Variants in TNIP1 observed in about 807,000 individuals in gnomAD.
TNIP1 encodes the protein TNFAIP3 interacting protein 1.
Under a neutral mutation model 86.6 loss-of-function variants are expected in TNIP1, and 22 were observed. That is an observed-to-expected ratio of 0.25 (90% CI 0.18 to 0.36). The LOEUF is 0.36. Ranked by LOEUF, TNIP1 falls within the 10% of genes least tolerant of loss-of-function variation. The probability of loss-of-function intolerance (pLI) is 1.00; values close to 1 mark genes in which losing one functional copy is unlikely to be tolerated. For synonymous variants in TNIP1, 294 were observed against 313.0 expected (o/e 0.94, Z 0.64); for missense variants, 709 against 820.6 (o/e 0.86, Z 1.66).
rs138661967 is a variant in TNIP1 at position 151,063,638 on chromosome 5, G to A, written c.246C>T (p.Ser82=). ...CTGTGAGCTCAGCCAGGGGGTCGAA[G>A]GAGCCCAAGGAGGGAGAAGGTGGTG... is the stretch of plus-strand genomic sequence containing the variant. The part of the protein sequence containing the change: ...LLPPPSPSLG[S]FDPLAELTGK... Residue 82 remains serine, a synonymous_variant, in exon 3 of 18, where the codon TCC becomes TCT. Coordinates refer to ENST00000521591, the MANE Select transcript of TNIP1 (RefSeq NM_006058.5). The A allele has an allele frequency of 1.1e-5, 17 of 1,613,910 alleles. No homozygotes were observed. In the African/African-American group the frequency reaches 2.0e-4, roughly 19 times the overall value.
intron 6 of TNIP1, among the ~76,000 whole-genome samples, chr5:151,053,824 C>A (rs1398040022): frequency 6.6e-6 from 1 of 152,222 alleles, no homozygotes; most frequent in Non-Finnish European, 1.5e-5. Context: ...TGCACAGCTG[C>A]TAAGACTCAT....
intron 5 of TNIP1, among the ~76,000 whole-genome samples, chr5:151,058,916 C>A (rs4958880): frequency 0.28 from 42,030 of 152,154 alleles, 6,604 homozygotes; most frequent in East Asian, 0.52. Flanking sequence ...GACTATAACC[C>A]CAACTTGGCA....
chr5:151,068,327 G>C (rs1425543164), intron 1 of TNIP1, among the ~76,000 whole-genome samples: 1 of 152,172 alleles, frequency 6.6e-6, no homozygotes, highest in East Asian at 1.9e-4. Context: ...TCTGATCAAT[G>C]AGGTTTTTAT....
At chr5:151,062,057 T>A in intron 4 of TNIP1, 70 bp downstream of exon 4, 1 of 1,393,402 alleles carries the variant, frequency 7.2e-7, no homozygotes, top group East Asian at 2.3e-5. Flanking sequence ...TTCTTCATGT[T>A]CTTGTATCTG....
At chr5:151,077,029 A>G (rs376825437) in intron 1 of TNIP1, among the ~76,000 whole-genome samples, 2 of 152,246 alleles carry the variant, frequency 1.3e-5, no homozygotes, top group Non-Finnish European at 2.9e-5. Flanking sequence ...ATTCTGTTGA[A>G]TATCACAGAC....
intron 9 of TNIP1, among the ~76,000 whole-genome samples, chr5:151,045,155 G>A (rs949363581): frequency 2.6e-5 from 4 of 152,084 alleles, no homozygotes; most frequent in African/African-American, 4.8e-5. Context: ...GCGGTGGCAC[G>A]GTCTCGGATC....
At chr5:151,068,814 C>T (rs1235988354) in intron 1 of TNIP1, among the ~76,000 whole-genome samples, 1 of 150,900 alleles carries the variant, frequency 6.6e-6, no homozygotes, top group African/African-American at 2.5e-5. Flanking sequence ...CACATCTTCT[C>T]AGAGTCTCTT....
intron 4 of TNIP1, 78 bp downstream of exon 4, chr5:151,062,048 TC>T (rs779184885): frequency 3.7e-6 from 5 of 1,336,736 alleles, no homozygotes; most frequent in Non-Finnish European, 4.2e-6. Flanking sequence ...CAACCCTCTT[TC>T]TTCATGTTCT....
chr5:151,049,312 G>GC (rs1320330573), intron 8 of TNIP1, among the ~76,000 whole-genome samples: 2 of 152,048 alleles, frequency 1.3e-5, no homozygotes, highest in Non-Finnish European at 2.9e-5. Context: ...AGGGGAGTGG[G>GC]CCAGCCCTGC....
chr5:151,066,695 T>A (rs1317203070), intron 1 of TNIP1, among the ~76,000 whole-genome samples: 11 of 152,166 alleles, frequency 7.2e-5, no homozygotes, highest in Admixed American at 7.2e-4. Context: ...ACTAATCTCA[T>A]CTGCATTTTA....
chr5:151,085,292 C>T (rs1764234630), upstream of TNIP1, among the ~76,000 whole-genome samples: 1 of 152,146 alleles, frequency 6.6e-6, no homozygotes, highest in Non-Finnish European at 1.5e-5. Context: ...CAATCAAATG[C>T]CACAAGGCTT....
In TNIP1 at chr5:151,062,182, G is replaced by A; in HGVS notation, c.302C>T (p.Thr101Ile). 1 of 1,614,180 alleles carries A rather than the reference G, an allele frequency of 6.2e-7. No individual in the cohort carries two copies. Among genetic ancestry groups the A allele is most frequent in the Non-Finnish European group, 8.5e-7 (1 of 1,180,022 alleles). The change falls in exon 4 of 18, where the codon ACA (threonine) becomes ATA (isoleucine). Residue 101 changes from threonine to isoleucine, a missense_variant. Coordinates refer to ENST00000521591, the MANE Select transcript of TNIP1 (RefSeq NM_006058.5). ...CTTGTCACTGGGGCATGCAGGGGCT[G>A]TGGGAGATGCTGTGACATTTGAGTC... ...GKDSNVTASP[T>I]APACPSDKPA...
In TNIP1 at chr5:151,060,399, T is replaced by C. The variant is rs1032980304; in HGVS notation, c.358-4A>G. The C allele has an allele frequency of 7.4e-5, 119 of 1,614,058 alleles. No individual in the cohort carries two copies. The highest frequency in any genetic ancestry group is 9.7e-5 in the Non-Finnish European group (114 of 1,180,016). ...CTTCAAATTCAGAGGAGGTGCCCTG[T>C]GCAGAAAGGAAGTTAGGTGCTGCCC... is the stretch of plus-strand genomic sequence containing the variant. On this transcript the variant is annotated splice_polypyrimidine_tract_variant and splice_region_variant and intron_variant, in intron 4 of 17. Transcript: ENST00000521591.
At chr5:151,043,037 C>CCTTGGGACGCTGGTGTA in intron 9 of TNIP1, 76 bp from the exon 10 acceptor site, 1 of 1,480,968 alleles carries the variant, frequency 6.8e-7, no homozygotes, top group Non-Finnish European at 9.4e-7. Context: ...CCCATGTACA[C>CCTTGGGACGCTGGTGTA]CAGCGTCCCA....
intron 3 of TNIP1, 34 bp downstream of exon 3, chr5:151,063,578 AG>A (rs750469240): frequency 9.3e-6 from 15 of 1,609,004 alleles, no homozygotes; most frequent in Non-Finnish European, 1.3e-5. Flanking sequence ...TTTGGGGTAC[AG>A]GGAGAGTCAG....
At chr5:151,060,909 C>G (rs1761478263) in intron 4 of TNIP1, among the ~76,000 whole-genome samples, 1 of 152,344 alleles carries the variant, frequency 6.6e-6, no homozygotes, top group Admixed American at 6.5e-5. Context: ...TTTCCCAGAA[C>G]ACAGATGGCA....
chr5:151,036,535 T>G (rs1757726416), intron 13 of TNIP1, among the ~76,000 whole-genome samples: 1 of 152,228 alleles, frequency 6.6e-6, no homozygotes, highest in African/African-American at 2.4e-5. Context: ...TAGAATTTAT[T>G]TTTTAAATAC....
At chr5:151,034,875 G>A in intron 15 of TNIP1, 127 bp downstream of exon 15, 1 of 975,810 alleles carries the variant, frequency 1.0e-6, no homozygotes, top group Non-Finnish European at 1.6e-6. Context: ...GGCTTTTCCT[G>A]TATTACTCAT....
Position 151,065,182 on chromosome 5 carries a change from T to C in TNIP1, c.-36-51A>G, listed in dbSNP as rs1762082963. 1.1e-5 allele frequency: 17 copies of C among 1,505,510 alleles called. No homozygotes were observed. In the South Asian group the frequency reaches 2.0e-4, roughly 18 times the overall value. The allele number at this position is 1,505,510 out of a possible 1,614,324, so 93.3% of individuals were successfully genotyped here. ...GCAGGCTGGCCAGGCCATGGGGGCA[T>C]CCTTTGCAGAGAAGCTCTAGTCTGT... On this transcript the variant is annotated intron_variant, in intron 1 of 17. Coordinates refer to ENST00000521591, the MANE Select transcript of TNIP1 (RefSeq NM_006058.5).
Sources: allele counts gnomAD v4.1 joint callset (sites outside exome capture counted in the v4.1 genomes callset), GRCh38; gene constraint gnomAD v4.1.1; transcripts MANE v1.5; gene names NCBI Gene and HGNC (gene_info 2026-07-23, HGNC 2026-07-21).